The following ZNF34 variants were observed in gnomAD, a reference collection of about 807,000 sequenced individuals.
The protein encoded by ZNF34 is zinc finger protein 34, also known as zinc finger protein 34 (KOX 32).
ZNF34 carries 8 observed loss-of-function variants against 14.4 expected under a neutral mutation model. The observed-to-expected ratio is 0.55, with a 90% CI of 0.33 to 1.00. The LOEUF (loss-of-function observed/expected upper bound fraction) is 1.00. ZNF34 is among the 50% of genes least tolerant of loss of function. ZNF34 has a pLI of 0.03. For synonymous variants in ZNF34, 235 were observed against 247.9 expected (o/e 0.95, Z 0.49); for missense variants, 538 against 674.2 (o/e 0.80, Z 2.24).
chr8:144,786,454 T>A (rs1365020867), intron 1 of ZNF34, among the ~76,000 whole-genome samples: 1 of 150,966 alleles, frequency 6.6e-6, no homozygotes, highest in Non-Finnish European at 1.5e-5. Flanking sequence ...GCCAACATGG[T>A]TAAACCCCAT....
chr8:144,786,313 CAAAA>C (rs1443939544), intron 1 of ZNF34, among the ~76,000 whole-genome samples: 1 of 150,466 alleles, frequency 6.6e-6, no homozygotes, highest in Non-Finnish European at 1.5e-5. Context: ...TTTTAAGAGA[CAAAA>C]ACAGTATTAG....
rs1227728237 is a variant in ZNF34 at position 144,778,535 on chromosome 8, G to C, written c.-54-10C>G. The C allele has an allele frequency of 3.2e-6, 5 of 1,554,790 alleles. No homozygotes were observed. The Admixed American group carries it at 9.9e-5, about 31-fold the overall frequency. On this transcript the variant is annotated splice_polypyrimidine_tract_variant and intron_variant, in intron 2 of 5. Coordinates refer to ENST00000429371, the MANE Select transcript of ZNF34 (RefSeq NM_001286769.2). ...GCTGGTCACTGAGGAGCTGAGGGAAGAGAACGCAACAAGTGGAGGCCCAGT... is the reference window on the plus strand; with the variant it reads ...GCTGGTCACTGAGGAGCTGAGGGAACAGAACGCAACAAGTGGAGGCCCAGT...
rs1293700692 is a variant in ZNF34, at chr8:144,772,262, C to A, written c.*1004G>T. Among the ~76,000 whole-genome samples, 1 of 152,076 alleles carries A rather than the reference C, an allele frequency of 6.6e-6. No individual in the cohort carries two copies. The highest frequency in any genetic ancestry group is 2.4e-5 in the African/African-American group (1 of 41,408). Reference sequence around the variant, plus strand: ...CACATATTTATGTTCCTAGAATAGGCAAATTCAAAGAGACAGAAAATAGAA... The same window carrying A: ...CACATATTTATGTTCCTAGAATAGGAAAATTCAAAGAGACAGAAAATAGAA... On this transcript the variant is annotated 3_prime_UTR_variant, in exon 6 of 6. Transcript: ENST00000429371.
intron 1 of ZNF34, among the ~76,000 whole-genome samples, chr8:144,783,078 T>C (rs1014953295): frequency 2.0e-5 from 3 of 151,874 alleles, no homozygotes; most frequent in African/African-American, 4.8e-5. Flanking sequence ...GGCGGGAAGA[T>C]GGCTTGAACC....
chr8:144,784,986 G>A (rs1023208382), intron 1 of ZNF34, among the ~76,000 whole-genome samples: 1 of 151,084 alleles, frequency 6.6e-6, no homozygotes, highest in African/African-American at 2.4e-5. Context: ...GGTGGTGTGA[G>A]CCTGTGGTTC....
At position 144,772,582 on chromosome 8, in the gene ZNF34, C is replaced by T. The variant is rs1268474822; in HGVS notation, c.*684G>A. The stretch of plus-strand genomic sequence containing the variant: ...TGAGACAGCGTCTCGCTCTGTCACC[C>T]AGGCTGGAGTACAGTGGCACAGTCT... On this transcript the variant is annotated 3_prime_UTR_variant, in exon 6 of 6. Transcript: ENST00000429371. 6.6e-6 allele frequency among the ~76,000 whole-genome samples: 1 copy of T among 152,256 alleles called. No homozygotes were observed. The highest frequency in any genetic ancestry group is 6.5e-5 in the Admixed American group (1 of 15,282).
In ZNF34 at chr8:144,772,566, G is replaced by A. The variant is rs997159374; in HGVS notation, c.*700C>T. 5.3e-5 allele frequency among the ~76,000 whole-genome samples: 8 copies of A among 152,304 alleles called. No individual in the cohort carries two copies. Among genetic ancestry groups the A allele is most frequent in the Admixed American group, 3.3e-4 (5 of 15,292 alleles). ...TGTTTCATTTATTTTTTGAGACAGCGTCTCGCTCTGTCACCCAGGCTGGAG... is the reference window on the plus strand; with the variant it reads ...TGTTTCATTTATTTTTTGAGACAGCATCTCGCTCTGTCACCCAGGCTGGAG... On this transcript the variant is annotated 3_prime_UTR_variant, in exon 6 of 6. Transcript: ENST00000429371.
At chr8:144,778,302 C>A (rs1825657657) in intron 3 of ZNF34, 137 bp downstream of exon 3, 8 of 1,406,322 alleles carry the variant, frequency 5.7e-6, no homozygotes, top group Non-Finnish European at 7.7e-6. Flanking sequence ...CTAATACATC[C>A]CAAGGGGTGG....
intron 1 of ZNF34, among the ~76,000 whole-genome samples, chr8:144,783,829 T>C (rs1826046396): frequency 6.6e-6 from 1 of 152,204 alleles, no homozygotes; most frequent in South Asian, 2.1e-4. Flanking sequence ...CTGACCAAAA[T>C]GACTCCAAAT....
intron 1 of ZNF34, among the ~76,000 whole-genome samples, chr8:144,786,398 C>T (rs1225900344): frequency 6.6e-6 from 1 of 151,882 alleles, no homozygotes; most frequent in Non-Finnish European, 1.5e-5. Flanking sequence ...CTCTGGGAGG[C>T]TGGGGCGGGC....
At position 144,773,132 on chromosome 8, in the gene ZNF34, G is replaced by A. The variant is rs146661160; in HGVS notation, c.*134C>T. On this transcript the variant is annotated 3_prime_UTR_variant, in exon 6 of 6. Coordinates refer to ENST00000429371, the MANE Select transcript of ZNF34 (RefSeq NM_001286769.2). The surrounding 1 kb of genome is among the most constrained non-coding windows in gnomAD (Gnocchi z 5.4). The stretch of plus-strand genomic sequence containing the variant: ...GCACTGCTTTTGATTTAAGAAAAGA[G>A]GTTTGTTTAATGAGAAACGTCCTTT... 2.6e-5 allele frequency: 25 copies of A among 970,026 alleles called. No individual in the cohort carries two copies. In the African/African-American group the frequency reaches 3.8e-4, roughly 15 times the overall value. The allele number at this position is 970,026 out of a possible 1,614,324, so 60.1% of individuals were successfully genotyped here.
At chr8:144,781,784 CAT>C (rs1472119390) in intron 1 of ZNF34, among the ~76,000 whole-genome samples, 3 of 152,270 alleles carry the variant, frequency 2.0e-5, no homozygotes, top group South Asian at 4.1e-4. Context: ...TCCCCAGAGA[CAT>C]ATAGAAATGG....
chr8:144,786,405 G>A (rs1826240009), intron 1 of ZNF34, among the ~76,000 whole-genome samples: 1 of 151,932 alleles, frequency 6.6e-6, no homozygotes, highest in South Asian at 2.1e-4. Context: ...AGGCTGGGGC[G>A]GGCAGATCAC....
At chr8:144,785,075 T>TCACTG (rs1310957815) in intron 1 of ZNF34, among the ~76,000 whole-genome samples, 22 of 120,676 alleles carry the variant, frequency 1.8e-4, no homozygotes, top group Admixed American at 1.1e-3. Flanking sequence ...CAAGATGGTG[T>TCACTG]CACTGCACTC....
At chr8:144,780,968 AC>A (rs1187161068) in intron 1 of ZNF34, among the ~76,000 whole-genome samples, 2 of 143,272 alleles carry the variant, frequency 1.4e-5, no homozygotes, top group East Asian at 2.2e-4. Context: ...CCCTGTCTCT[AC>A]CGAAAATACA....
rs1192118853 is a variant in ZNF34, at chr8:144,778,485, G to C, written c.-14C>G. On this transcript the variant is annotated 5_prime_UTR_variant, in exon 3 of 6. Coordinates refer to ENST00000429371, the MANE Select transcript of ZNF34 (RefSeq NM_001286769.2). ...CAAGGCCGCCATTGCCTGAGGGTTGGGCTTTCTGAGGGCAGTGAGCAGGAG... is the reference window on the plus strand; with the variant it reads ...CAAGGCCGCCATTGCCTGAGGGTTGCGCTTTCTGAGGGCAGTGAGCAGGAG... 7.5e-6 allele frequency: 12 copies of C among 1,591,158 alleles called. No homozygotes were observed. The highest frequency in any genetic ancestry group is 1.8e-5 in the Admixed American group (1 of 56,088).
intron 1 of ZNF34, among the ~76,000 whole-genome samples, chr8:144,782,773 G>A (rs1195041945): frequency 8.0e-6 from 1 of 125,488 alleles, no homozygotes; most frequent in East Asian, 2.7e-4. Context: ...GGAGGCAGAA[G>A]CTGCAGTGAA....
intron 1 of ZNF34, among the ~76,000 whole-genome samples, chr8:144,786,968 C>T (rs997618054): frequency 6.6e-6 from 1 of 152,084 alleles, no homozygotes; most frequent in Non-Finnish European, 1.5e-5. Context: ...TGGAGCGCAT[C>T]GGGACGCAGA....
rs1221411551 is a variant in ZNF34 at position 144,779,330 on chromosome 8, G to A, written c.-54-805C>T. Among the ~76,000 whole-genome samples the A allele has an allele frequency of 2.6e-5, 4 of 152,142 alleles. No homozygotes were observed. Among genetic ancestry groups the A allele is most frequent in the Non-Finnish European group, 5.9e-5 (4 of 68,024 alleles). On this transcript the variant is annotated intron_variant, in intron 2 of 5. Transcript: ENST00000429371. This position sits in a 1 kb window ranked among gnomAD's most constrained non-coding sequence, Gnocchi z 4.1. Reference sequence around the variant, plus strand: ...GAAAATGCTAAACCGTCACAGCTACGCTTGATGCACCGCTACCTTTCTATC... The same window carrying A: ...GAAAATGCTAAACCGTCACAGCTACACTTGATGCACCGCTACCTTTCTATC...
Sources: allele counts gnomAD v4.1 joint callset (sites outside exome capture counted in the v4.1 genomes callset), GRCh38; gene constraint gnomAD v4.1.1; non-coding constraint Gnocchi (gnomAD v3.1); transcripts MANE v1.5; gene names NCBI Gene and HGNC (gene_info 2026-07-23, HGNC 2026-07-21).